Variants in UBE3D observed in about 807,000 individuals in gnomAD.
UBE3D encodes the protein E3 ubiquitin-protein ligase E3D.
A neutral mutation model predicts 49.6 loss-of-function variants in UBE3D; 48 were observed. The ratio of observed to expected loss-of-function variants is 0.97; its 90% confidence interval spans 0.77 to 1.23. The LOEUF is 1.23. Among genes scored for constraint, UBE3D ranks in the 50% most tolerant of loss-of-function variants. The pLI is 0.00. For synonymous variants in UBE3D, 189 were observed against 174.2 expected, an observed-to-expected ratio of 1.08 and a Z score of -0.67; for missense variants, 452 against 468.4, an observed-to-expected ratio of 0.96 and a Z score of 0.32.
chr6:83,061,643 T>G (rs947540281), intron 1 of UBE3D, among the ~76,000 whole-genome samples: 4 of 152,232 alleles, frequency 2.6e-5, no homozygotes, highest in Non-Finnish European at 4.4e-5. Context: ...CTACAAGCTT[T>G]GGAGAACCTG....
At chr6:82,992,443 A>G (rs12193509) in intron 8 of UBE3D, among the ~76,000 whole-genome samples, 26,854 of 151,860 alleles carry the variant, frequency 0.18, 2,543 homozygotes, top group African/African-American at 0.24. Flanking sequence ...GGCTGGTCTC[A>G]AACTACTGAC....
chr6:83,059,514 T>C (rs569071380), intron 1 of UBE3D, among the ~76,000 whole-genome samples: 39 of 152,330 alleles, frequency 2.6e-4, no homozygotes, highest in Non-Finnish European at 4.9e-4. Flanking sequence ...CAATGTCCAT[T>C]TGCTACCTCA....
intron 8 of UBE3D, among the ~76,000 whole-genome samples, chr6:82,960,266 G>A (rs960566575): frequency 6.6e-6 from 1 of 152,044 alleles, no homozygotes; most frequent in African/African-American, 2.4e-5. Flanking sequence ...TATTCTTTTT[G>A]CTTTTACTCA....
At chr6:83,004,832 T>G (rs1258671956) in intron 8 of UBE3D, among the ~76,000 whole-genome samples, 1 of 152,216 alleles carries the variant, frequency 6.6e-6, no homozygotes, top group African/African-American at 2.4e-5. Flanking sequence ...CCTCTAAATC[T>G]TCTCAAAACC....
At chr6:83,041,943 C>T (rs1211759297) in intron 4 of UBE3D, among the ~76,000 whole-genome samples, 2 of 152,030 alleles carry the variant, frequency 1.3e-5, no homozygotes, top group Non-Finnish European at 2.9e-5. Context: ...CAGTGTCTCG[C>T]TCTGTCACCA....
chr6:82,938,507 A>G (rs1009035630), intron 9 of UBE3D: 1 of 152,230 alleles, frequency 6.6e-6, no homozygotes, highest in African/African-American at 2.4e-5. Context: ...GGGTAAAGAG[A>G]GAAGGAAAAT....
intron 9 of UBE3D, among the ~76,000 whole-genome samples, chr6:82,926,703 CAT>C (rs1169106495): frequency 6.6e-6 from 1 of 152,076 alleles, no homozygotes; most frequent in Non-Finnish European, 1.5e-5. Context: ...AGTATCTTTT[CAT>C]ATGTTTATTT....
At position 83,021,888 on chromosome 6, in the gene UBE3D, A is replaced by G. The variant is rs527854803; in HGVS notation, c.846+565T>C. ...CATCTCAAAAAAAAAACAAAAAACA[A>G]AAAAACCCTGATTTTGTGGTATGAG... On this transcript the variant is annotated intron_variant, in intron 7 of 9. Coordinates refer to ENST00000369747, the MANE Select transcript of UBE3D (RefSeq NM_198920.3). Among the ~76,000 whole-genome samples, 29 of 152,166 alleles carry G rather than the reference A, an allele frequency of 1.9e-4. 1 individual carries two copies. The highest frequency in any genetic ancestry group is 7.0e-4 in the African/African-American group (29 of 41,520).
intron 8 of UBE3D, among the ~76,000 whole-genome samples, chr6:82,982,239 A>T (rs538993394): frequency 3.1e-4 from 47 of 152,288 alleles, no homozygotes; most frequent in African/African-American, 1.1e-3. Flanking sequence ...AAATACTATC[A>T]TATCATCTAT....
At chr6:82,972,320 A>G (rs150330644) in intron 8 of UBE3D, among the ~76,000 whole-genome samples, 114 of 152,336 alleles carry the variant, frequency 7.5e-4, no homozygotes, top group Middle Eastern at 3.4e-3. Context: ...CAATCTTGGT[A>G]TCTTAGCTAC....
intron 8 of UBE3D, among the ~76,000 whole-genome samples, chr6:82,973,693 A>T (rs1406226437): frequency 6.6e-6 from 1 of 152,130 alleles, no homozygotes; most frequent in Non-Finnish European, 1.5e-5. Flanking sequence ...TATAAAAAAG[A>T]CACTTAAAAT....
At chr6:83,040,781 C>A (rs905520198) in intron 4 of UBE3D, among the ~76,000 whole-genome samples, 1 of 152,234 alleles carries the variant, frequency 6.6e-6, no homozygotes, top group Admixed American at 6.5e-5. Flanking sequence ...TGTGCCATCT[C>A]TGGCCATTGC....
At chr6:83,055,000 A>G (rs1032155984) in intron 2 of UBE3D, among the ~76,000 whole-genome samples, 4 of 152,002 alleles carry the variant, frequency 2.6e-5, no homozygotes, top group African/African-American at 9.7e-5. Context: ...TCTAGCATAT[A>G]ACCATATGAA....
chr6:83,026,009 T>C (rs374324477), intron 5 of UBE3D, among the ~76,000 whole-genome samples: 1 of 151,392 alleles, frequency 6.6e-6, no homozygotes, highest in Non-Finnish European at 1.5e-5. Context: ...GTGATACTCA[T>C]AATATCAATA....
chr6:82,881,421 G>C, the UBE3D span, among the ~76,000 whole-genome samples: 1 of 152,282 alleles, frequency 6.6e-6, no homozygotes, highest in Middle Eastern at 3.4e-3. Context: ...AGGATTATGA[G>C]GAGGGGCTGT....
At position 83,044,438 on chromosome 6, in the gene UBE3D, TG is replaced by T; in HGVS notation, c.586del (p.His196IlefsTer12). 1 of 1,614,044 alleles carries T rather than the reference TG, an allele frequency of 6.2e-7. No individual in the cohort carries two copies. Among genetic ancestry groups the T allele is most frequent in the Non-Finnish European group, 8.5e-7 (1 of 1,179,898 alleles). ...GAAATGATATTTTACCAATTTACAA[TG>T]GTTGTCAGAAGAAACACAGCACATC... ...VEMCCVSSDNHCKLEPKANTK... is the reference protein window; with the variant it reads ...VEMCCVSSDNXCKLEPKANTK... On this transcript the variant is annotated frameshift_variant, in exon 4 of 10. Transcript: ENST00000369747. LOFTEE classifies it high-confidence loss of function.
intron 9 of UBE3D, among the ~76,000 whole-genome samples, chr6:82,909,609 G>A (rs1772353142): frequency 6.6e-6 from 1 of 152,180 alleles, no homozygotes; most frequent in East Asian, 1.9e-4. Context: ...CTTTCCCTTT[G>A]TGCAAGGGTA....
chr6:82,955,111 C>T (rs978918440), intron 9 of UBE3D, among the ~76,000 whole-genome samples: 8 of 152,110 alleles, frequency 5.3e-5, no homozygotes, highest in African/African-American at 1.9e-4. Flanking sequence ...ACACTAATGC[C>T]GCCAATTGCA....
chr6:82,941,653 T>A (rs1353475036), intron 9 of UBE3D, among the ~76,000 whole-genome samples: 1 of 152,148 alleles, frequency 6.6e-6, no homozygotes, highest in Non-Finnish European at 1.5e-5. Flanking sequence ...AGAATCCCCA[T>A]GCATCAGGGG....
Sources: allele counts gnomAD v4.1 joint callset (sites outside exome capture counted in the v4.1 genomes callset), GRCh38; gene constraint gnomAD v4.1.1; transcripts MANE v1.5; gene names NCBI Gene and HGNC (gene_info 2026-07-23, HGNC 2026-07-21).